Variants in TMPO observed in about 807,000 individuals in gnomAD.
TMPO encodes LEM domain containing 4.
TMPO carries 22 observed loss-of-function variants against 45.4 expected under a neutral mutation model. That is an observed-to-expected ratio of 0.48 (90% CI 0.35 to 0.69). The LOEUF (loss-of-function observed/expected upper bound fraction) is 0.69. TMPO is among the 30% of genes least tolerant of loss of function. The pLI, the probability that TMPO is intolerant of heterozygous loss-of-function variation, is 0.01. For missense variants in TMPO, 512 were observed against 548.8 expected (o/e 0.93, Z 0.67); for synonymous variants, 241 against 204.1 (o/e 1.18, Z -1.54).
intron 1 of TMPO, among the ~76,000 whole-genome samples, chr12:98,522,100 C>T (rs1876417199): frequency 1.3e-5 from 2 of 152,042 alleles, no homozygotes; most frequent in African/African-American, 4.8e-5. Flanking sequence ...GTGGTATGAT[C>T]ATAGCTCACT....
At chr12:98,518,494 TG>T (rs1340606575) in intron 1 of TMPO, among the ~76,000 whole-genome samples, 12 of 145,964 alleles carry the variant, frequency 8.2e-5, no homozygotes, top group Non-Finnish European at 1.7e-4. Context: ...TTTTTTTTTT[TG>T]GTACACAGGC....
chr12:98,519,828 T>C (rs1876192990), intron 1 of TMPO, among the ~76,000 whole-genome samples: 1 of 152,216 alleles, frequency 6.6e-6, no homozygotes, highest in Admixed American at 6.5e-5. Flanking sequence ...GGAAAAGAAA[T>C]TTATAATAAT....
At position 98,542,613 on chromosome 12, in the gene TMPO, G is replaced by A. The variant is rs942399092; in HGVS notation, c.664-1617G>A. Among the ~76,000 whole-genome samples the A allele has an allele frequency of 5.3e-5, 8 of 152,174 alleles. No homozygotes were observed. The South Asian group carries it at 8.3e-4, about 16-fold the overall frequency. On this transcript the variant is annotated intron_variant, in intron 4 of 8. Transcript: ENST00000556029. ...GCAGTGGCTCACACCTGTAATCCCC[G>A]CACTTTGGGAGGCCCAGGTGGGTGG... is the stretch of plus-strand genomic sequence containing the variant.
chr12:98,536,277 CTT>C (rs1430352407), intron 3 of TMPO, among the ~76,000 whole-genome samples: 1 of 152,092 alleles, frequency 6.6e-6, no homozygotes, highest in African/African-American at 2.4e-5. Flanking sequence ...AGTAATCTAA[CTT>C]AAATTTTTGG....
In TMPO at chr12:98,533,312, C is replaced by T. The variant is rs1254912268; in HGVS notation, c.565+1474C>T. The stretch of plus-strand genomic sequence containing the variant: ...AGGTCCCATATTTCAGATCAATCGC[C>T]TCTCTCCAGTAAAAGGAAAGCACTA... On this transcript the variant is annotated intron_variant, in intron 3 of 8. Transcript: ENST00000556029. The T allele has an allele frequency of 1.2e-6, 2 of 1,614,002 alleles. No individual in the cohort carries two copies. The highest frequency in any genetic ancestry group is 1.7e-6 in the Non-Finnish European group (2 of 1,180,022).
intron 1 of TMPO, among the ~76,000 whole-genome samples, chr12:98,518,930 G>GGGGTGC (rs796577689): frequency 1.3e-5 from 2 of 151,596 alleles, no homozygotes; most frequent in South Asian, 2.1e-4. Context: ...CGCCCAGTCT[G>GGGGTGC]GGGTGCGGTG....
chr12:98,545,442 C>T (rs1330619706), intron 7 of TMPO, among the ~76,000 whole-genome samples: 1 of 152,084 alleles, frequency 6.6e-6, no homozygotes, highest in Non-Finnish European at 1.5e-5. Flanking sequence ...TTTAACATAA[C>T]TTCATGTGGT....
chr12:98,524,126 G>C (rs1876584769), intron 1 of TMPO, among the ~76,000 whole-genome samples: 1 of 152,168 alleles, frequency 6.6e-6, no homozygotes, highest in South Asian at 2.1e-4. Flanking sequence ...TAGATGCTTG[G>C]AATAAGAATA....
chr12:98,523,541 C>CA lies in TMPO; in HGVS notation c.280-4332dup, dbSNP rs747050595. Among the ~76,000 whole-genome samples, 516 of 133,388 alleles carry CA rather than the reference C, an allele frequency of 3.9e-3. 4 individuals are homozygous for CA. The highest frequency in any genetic ancestry group is 0.011 in the African/African-American group (418 of 36,434). 87.5% of individuals were successfully genotyped at this position (133,388 alleles called of 152,430 possible). A position where few individuals can be genotyped will look rare whatever the true frequency, so the allele number is the denominator to read the frequency against. On this transcript the variant is annotated intron_variant, in intron 1 of 8. Transcript: ENST00000556029. ...TGGGCAACAGAGTGAGACTCCATCT[C>CA]AAAAAAAAAAAAATCACGTTTTTGG...
In TMPO at chr12:98,547,674, A is replaced by G; in HGVS notation, c.1181A>G (p.Tyr394Cys). Residue 394 changes from tyrosine (Y) to cysteine (C), a missense_variant, in exon 9 of 9, where the codon TAT becomes TGT. Coordinates refer to ENST00000556029, the MANE Select transcript of TMPO (RefSeq NM_001032283.3). Reference protein sequence around the residue: ...ESFSSKYVPKYVPLADVKSEK... With the variant: ...ESFSSKYVPKCVPLADVKSEK... The stretch of plus-strand genomic sequence containing the variant: ...TTTTCATCTAAATATGTTCCTAAGT[A>G]TGTTCCCTTGGCAGATGTCAAGTCA... 6.2e-7 allele frequency: 1 copy of G among 1,614,192 alleles called. No individual in the cohort carries two copies. The highest frequency in any genetic ancestry group is 1.1e-5 in the South Asian group (1 of 91,084).
chr12:98,543,484 G>A (rs1244661927), intron 4 of TMPO, among the ~76,000 whole-genome samples: 1 of 152,200 alleles, frequency 6.6e-6, no homozygotes, highest in African/African-American at 2.4e-5. Context: ...AAACCAGTAT[G>A]TAAGAAATGC....
chr12:98,517,902 C>A (rs1015173199), intron 1 of TMPO, among the ~76,000 whole-genome samples: 1 of 152,246 alleles, frequency 6.6e-6, no homozygotes, highest in Admixed American at 6.5e-5. Flanking sequence ...GTGGCTCACG[C>A]CTGTAAGCCC....
At chr12:98,542,175 A>G (rs1382742102) in intron 4 of TMPO, among the ~76,000 whole-genome samples, 1 of 152,178 alleles carries the variant, frequency 6.6e-6, no homozygotes, top group Non-Finnish European at 1.5e-5. Flanking sequence ...ATTGCTAGGT[A>G]ATTTCACCAT....
intron 1 of TMPO, 192 bp downstream of exon 1, chr12:98,516,338 C>T: frequency 8.2e-7 from 1 of 1,221,438 alleles, no homozygotes; most frequent in Non-Finnish European, 1.0e-6. Flanking sequence ...GAAGTTGGGG[C>T]CGCGGGGTTC....
At chr12:98,547,427 C>G in intron 8 of TMPO, 146 bp from the exon 9 acceptor site, 1 of 926,190 alleles carries the variant, frequency 1.1e-6, no homozygotes, top group African/African-American at 1.7e-5. Flanking sequence ...GGTTGACTGA[C>G]CTCACTGCTT....
At chr12:98,527,020 G>A (rs1015684074) in intron 1 of TMPO, among the ~76,000 whole-genome samples, 8 of 151,770 alleles carry the variant, frequency 5.3e-5, no homozygotes, top group Non-Finnish European at 1.5e-5. Flanking sequence ...AAGCCTGTAT[G>A]GTAAAGTCTT....
chr12:98,522,212 A>G (rs1281694665), intron 1 of TMPO, among the ~76,000 whole-genome samples: 1 of 152,140 alleles, frequency 6.6e-6, no homozygotes, highest in Non-Finnish European at 1.5e-5. Context: ...AGATAGTCTC[A>G]CTATGTTGAC....
At chr12:98,517,547 A>G (rs1875955698) in intron 1 of TMPO, among the ~76,000 whole-genome samples, 1 of 152,190 alleles carries the variant, frequency 6.6e-6, no homozygotes. Context: ...AACCTGTCTA[A>G]TGTGTTTTCC....
chr12:98,541,709 G>A (rs920674509), intron 4 of TMPO, among the ~76,000 whole-genome samples: 1 of 152,116 alleles, frequency 6.6e-6, no homozygotes, highest in Non-Finnish European at 1.5e-5. Context: ...TTTTAATTGT[G>A]TTGAGAGTAT....
Sources: gnomAD v4.1 joint callset for allele counts (sites outside exome capture counted in the v4.1 genomes callset) on GRCh38, gnomAD v4.1.1 for gene constraint, MANE v1.5 for transcripts, NCBI Gene and HGNC (gene_info 2026-07-23, HGNC 2026-07-21) for gene names.